PPP3CA: variants seen among roughly 807,000 people sequenced by gnomAD.
PPP3CA encodes the protein protein phosphatase 3 catalytic subunit alpha, also known as CAM-PRP catalytic subunit.
A neutral mutation model predicts 66.5 loss-of-function variants in PPP3CA; 14 were observed. That is an observed-to-expected ratio of 0.21 (90% CI 0.14 to 0.33). The LOEUF is 0.33. Ranked by LOEUF, PPP3CA falls within the 10% of genes least tolerant of loss-of-function variation. The pLI, the probability that PPP3CA is intolerant of heterozygous loss-of-function variation, is 1.00. For synonymous variants in PPP3CA, 232 were observed against 226.2 expected, an observed-to-expected ratio of 1.03 and a Z score of -0.23; for missense variants, 317 against 639.5, an observed-to-expected ratio of 0.50 and a Z score of 5.44.
At chr4:101,177,392 T>C (rs577115725) in intron 2 of PPP3CA, among the ~76,000 whole-genome samples, 14 of 152,230 alleles carry the variant, frequency 9.2e-5, no homozygotes, top group Non-Finnish European at 1.3e-4. Context: ...CAGGAAGACA[T>C]TGTCAGAACT....
intron 1 of PPP3CA, among the ~76,000 whole-genome samples, chr4:101,262,933 A>G (rs1001679476): frequency 2.0e-5 from 3 of 152,130 alleles, no homozygotes; most frequent in Non-Finnish European, 4.4e-5. Flanking sequence ...AAACAAAGGA[A>G]GGAGGAAGGT....
chr4:101,216,255 G>T lies in PPP3CA; in HGVS notation c.59-20139C>A, dbSNP rs549242166. On this transcript the variant is annotated intron_variant, in intron 1 of 13. Coordinates refer to ENST00000394854, the MANE Select transcript of PPP3CA (RefSeq NM_000944.5). ...ACCCTGTAAGGGAAAATAGTAACATGGTCCTCAAATAAACTTAAATTACAT... is the reference window on the plus strand; with the variant it reads ...ACCCTGTAAGGGAAAATAGTAACATTGTCCTCAAATAAACTTAAATTACAT... 2.0e-5 allele frequency among the ~76,000 whole-genome samples: 3 copies of T among 152,174 alleles called. No individual in the cohort carries two copies. The South Asian group carries it at 6.2e-4, about 32-fold the overall frequency.
At chr4:101,331,540 G>A (rs774887795) in intron 1 of PPP3CA, among the ~76,000 whole-genome samples, 40 of 152,228 alleles carry the variant, frequency 2.6e-4, no homozygotes, top group Non-Finnish European at 4.1e-4. Context: ...GTGATCCATC[G>A]TGCGTACAAC....
intron 1 of PPP3CA, among the ~76,000 whole-genome samples, chr4:101,273,988 A>AT (rs1298147936): frequency 2.6e-5 from 4 of 152,198 alleles, no homozygotes; most frequent in African/African-American, 9.6e-5. Flanking sequence ...AAATTGCAGA[A>AT]TAACTCTTTA....
chr4:101,119,395 C>G (rs1251481848), intron 2 of PPP3CA, among the ~76,000 whole-genome samples: 4 of 151,950 alleles, frequency 2.6e-5, no homozygotes, highest in Non-Finnish European at 5.9e-5. Flanking sequence ...AGCTCATTTA[C>G]AAGACCACTG....
chr4:101,301,452 TTTATATA>T (rs1396596836), intron 1 of PPP3CA, among the ~76,000 whole-genome samples: 1 of 147,070 alleles, frequency 6.8e-6, no homozygotes, highest in Non-Finnish European at 1.5e-5. Context: ...ATATATTAAA[TTTATATA>T]TTATATATAT....
At chr4:101,151,573 G>A (rs1578497639) in intron 2 of PPP3CA, among the ~76,000 whole-genome samples, 2 of 129,358 alleles carry the variant, frequency 1.5e-5, no homozygotes, top group Admixed American at 7.5e-5. Flanking sequence ...AAAAAAAAAA[G>A]AAATGTTTAC....
intron 1 of PPP3CA, among the ~76,000 whole-genome samples, chr4:101,318,136 C>A (rs1728936298): frequency 6.6e-6 from 1 of 152,138 alleles, no homozygotes; most frequent in African/African-American, 2.4e-5. Context: ...TGCTTTTGAA[C>A]ACTGGAGTTG....
intron 2 of PPP3CA, among the ~76,000 whole-genome samples, chr4:101,155,514 G>A (rs966660225): frequency 6.6e-6 from 1 of 152,186 alleles, no homozygotes. Context: ...TCCAAGATCA[G>A]AAAGCAGTAT....
At chr4:101,092,511 T>C (rs780675061) in intron 6 of PPP3CA, among the ~76,000 whole-genome samples, 34 of 152,010 alleles carry the variant, frequency 2.2e-4, no homozygotes, top group South Asian at 1.9e-3. Flanking sequence ...TAGGTATACA[T>C]GTGCCCTGGC....
chr4:101,323,561 C>T (rs544970316), intron 1 of PPP3CA, among the ~76,000 whole-genome samples: 2 of 152,304 alleles, frequency 1.3e-5, no homozygotes, highest in African/African-American at 2.4e-5. Context: ...TCCAATTTCC[C>T]TGATCAAAAA....
chr4:101,136,763 GCAGA>G (rs745616590), intron 2 of PPP3CA, among the ~76,000 whole-genome samples: 4 of 151,958 alleles, frequency 2.6e-5, no homozygotes, highest in Non-Finnish European at 5.9e-5. Context: ...ATTGGGAAAT[GCAGA>G]CAGTCATCCA....
intron 1 of PPP3CA, among the ~76,000 whole-genome samples, chr4:101,234,576 GT>G (rs202180347): frequency 0.033 from 4,804 of 146,350 alleles, 255 homozygotes; most frequent in African/African-American, 0.11. Flanking sequence ...ACTTTTTAAT[GT>G]TTTTTTTTTC....
intron 1 of PPP3CA, among the ~76,000 whole-genome samples, chr4:101,311,508 A>T (rs1728721298): frequency 6.6e-6 from 1 of 152,214 alleles, no homozygotes; most frequent in African/African-American, 2.4e-5. Flanking sequence ...GGCCAGGCAC[A>T]GTGGCTTATG....
At chr4:101,286,330 A>G (rs969452241) in intron 1 of PPP3CA, among the ~76,000 whole-genome samples, 24 of 152,220 alleles carry the variant, frequency 1.6e-4, no homozygotes, top group Non-Finnish European at 3.1e-4. Context: ...GCAAATAAAT[A>G]TGTATGTTAA....
At chr4:101,104,016 T>C (rs1730553543) in intron 3 of PPP3CA, among the ~76,000 whole-genome samples, 1 of 152,174 alleles carries the variant, frequency 6.6e-6, no homozygotes. Flanking sequence ...ATTTCTAATT[T>C]TGGCAAAAGG....
chr4:101,279,170 T>C (rs1727602768), intron 1 of PPP3CA, among the ~76,000 whole-genome samples: 1 of 151,338 alleles, frequency 6.6e-6, no homozygotes, highest in Admixed American at 6.6e-5. Context: ...TGCCTAGAAT[T>C]AAAAAAGAAA....
intron 1 of PPP3CA, among the ~76,000 whole-genome samples, chr4:101,266,007 TCAC>T (rs1326503311): frequency 6.6e-6 from 1 of 152,180 alleles, no homozygotes; most frequent in Non-Finnish European, 1.5e-5. Context: ...TGTGGATGAA[TCAC>T]CTTTATATAT....
At chr4:101,322,420 T>C (rs1241929095) in intron 1 of PPP3CA, among the ~76,000 whole-genome samples, 3 of 151,384 alleles carry the variant, frequency 2.0e-5, no homozygotes, top group Non-Finnish European at 4.4e-5. Context: ...TTTTTTTTTT[T>C]TTTTTTTGAG....
Sources: gnomAD v4.1 joint callset for allele counts (sites outside exome capture counted in the v4.1 genomes callset) on GRCh38, gnomAD v4.1.1 for gene constraint, MANE v1.5 for transcripts, NCBI Gene and HGNC (gene_info 2026-07-23, HGNC 2026-07-21) for gene names.